The following RAB30 variants were observed in gnomAD, a reference collection of about 807,000 sequenced individuals.
RAB30 encodes RAB30, member RAS oncogene family.
RAB30 carries 9 observed loss-of-function variants against 25.1 expected under a neutral mutation model. That is an observed-to-expected ratio of 0.36 (90% CI 0.22 to 0.63). The LOEUF (loss-of-function observed/expected upper bound fraction) is 0.63. Ranked by LOEUF, RAB30 falls within the 20% of genes least tolerant of loss-of-function variation. The pLI, the probability that RAB30 is intolerant of heterozygous loss-of-function variation, is 0.69. For missense variants in RAB30, 140 were observed against 243.5 expected, an observed-to-expected ratio of 0.58 and a Z score of 2.83; for synonymous variants, 77 against 86.4, an observed-to-expected ratio of 0.89 and a Z score of 0.60.
At chr11:83,015,248 G>C (rs1252120643) in intron 1 of RAB30, among the ~76,000 whole-genome samples, 1 of 152,192 alleles carries the variant, frequency 6.6e-6, no homozygotes, top group Non-Finnish European at 1.5e-5. Context: ...ACTGCAAATA[G>C]TCTAGGTGAG....
chr11:83,038,420 A>T lies in RAB30; in HGVS notation c.-9+33271T>A, dbSNP rs566364173. ...CGCTGTGTCCTCTGGCAAATTATTT[A>T]AATCCTCTGAATCTCAGTTTATTTC... On this transcript the variant is annotated intron_variant, in intron 1 of 4. Transcript: ENST00000527633. Among the ~76,000 whole-genome samples, 8 of 152,298 alleles carry T rather than the reference A, an allele frequency of 5.3e-5. No homozygotes were observed. The East Asian group carries it at 1.2e-3, about 22-fold the overall frequency.
intron 1 of RAB30, among the ~76,000 whole-genome samples, chr11:83,046,875 A>G (rs1858246690): frequency 6.6e-6 from 1 of 152,092 alleles, no homozygotes; most frequent in Non-Finnish European, 1.5e-5. Context: ...AGCCTAATAT[A>G]TTTACTTTCT....
intron 1 of RAB30, among the ~76,000 whole-genome samples, chr11:83,001,690 C>T (rs138756073): frequency 5.3e-5 from 8 of 152,254 alleles, no homozygotes; most frequent in African/African-American, 1.9e-4. Flanking sequence ...CATAAAGTAA[C>T]AGCCCAGGCA....
chr11:83,001,727 C>T (rs1318892543), intron 1 of RAB30, among the ~76,000 whole-genome samples: 1 of 152,138 alleles, frequency 6.6e-6, no homozygotes, highest in Non-Finnish European at 1.5e-5. Flanking sequence ...GATGAGACAG[C>T]GTTTCCCCCT....
At chr11:83,049,409 CAA>C (rs58898867) in intron 1 of RAB30, among the ~76,000 whole-genome samples, 21 of 100,836 alleles carry the variant, frequency 2.1e-4, no homozygotes, top group Admixed American at 2.5e-4. Flanking sequence ...GACTCCATAT[CAA>C]AAAAAAAAAA....
chr11:82,981,365 TAAAAGG>T lies in RAB30; in HGVS notation c.*794_*799del, dbSNP rs1404948287. Reference sequence around the variant, plus strand: ...AGTGGTAGAGATTCAGAGGGGAACATAAAAGGAAAAGTATTCTCTTTTCCCAAAAAT... The same window carrying T: ...AGTGGTAGAGATTCAGAGGGGAACATAAAAGTATTCTCTTTTCCCAAAAAT... On this transcript the variant is annotated 3_prime_UTR_variant, in exon 5 of 5. Coordinates refer to ENST00000527633, the MANE Select transcript of RAB30 (RefSeq NM_001286060.2). 6.6e-6 allele frequency: 1 copy of T among 152,332 alleles called. No individual in the cohort carries two copies. The highest frequency in any genetic ancestry group is 2.4e-5 in the African/African-American group (1 of 41,424). 9.4% of individuals were successfully genotyped at this position (152,332 alleles called of 1,614,324 possible). A position where few individuals can be genotyped will look rare whatever the true frequency, so the allele number is the denominator to read the frequency against.
intron 1 of RAB30, among the ~76,000 whole-genome samples, chr11:83,004,762 A>G (rs1590846788): frequency 6.6e-6 from 1 of 151,960 alleles, no homozygotes; most frequent in East Asian, 1.9e-4. Flanking sequence ...CTCACCCCCT[A>G]CTATCCTTAA....
Position 83,048,040 on chromosome 11 carries a change from T to G in RAB30, c.-9+23651A>C, listed in dbSNP as rs575786560. 2.0e-4 allele frequency among the ~76,000 whole-genome samples: 30 copies of G among 152,270 alleles called. No individual in the cohort carries two copies. In the South Asian group the frequency reaches 6.0e-3, roughly 31 times the overall value. ...AAGAGGATGGCTTGAGGCCAGGAGT[T>G]TGAGATTGGCCTTAGCAACATAGCA... On this transcript the variant is annotated intron_variant, in intron 1 of 4. Transcript: ENST00000527633.
chr11:83,001,974 A>G (rs1857095875), intron 1 of RAB30, among the ~76,000 whole-genome samples: 1 of 152,150 alleles, frequency 6.6e-6, no homozygotes, highest in Non-Finnish European at 1.5e-5. Flanking sequence ...TCTATGATGT[A>G]AGTACTCATA....
intron 1 of RAB30, among the ~76,000 whole-genome samples, chr11:83,003,794 CA>C (rs1857134361): frequency 6.6e-6 from 1 of 151,476 alleles, no homozygotes; most frequent in African/African-American, 2.4e-5. Flanking sequence ...AAAAAAAAAA[CA>C]GCATCATAGA....
At chr11:83,052,968 A>G (rs979638847) in intron 1 of RAB30, among the ~76,000 whole-genome samples, 1 of 152,182 alleles carries the variant, frequency 6.6e-6, no homozygotes, top group Non-Finnish European at 1.5e-5. Flanking sequence ...TAGTAAAAAA[A>G]CTTTCCCTGT....
rs34769119 is a variant in RAB30 at position 82,998,546 on chromosome 11, TA to T, written c.-8-1223del. Among the ~76,000 whole-genome samples the T allele has an allele frequency of 5.2e-3, 558 of 108,054 alleles. 1 individual carries two copies. Among genetic ancestry groups the T allele is most frequent in the African/African-American group, 0.015 (429 of 29,124 alleles). 70.9% of individuals were successfully genotyped at this position (108,054 alleles called of 152,430 possible). On this transcript the variant is annotated intron_variant, in intron 1 of 4. Transcript: ENST00000527633. ...CTGGGTGACAGAGTGAGACTCTGTC[TA>T]AAAAAAAAAAAAAAAAACCAACCTT...
chr11:83,015,512 G>A (rs1023928778), intron 1 of RAB30, among the ~76,000 whole-genome samples: 5 of 152,178 alleles, frequency 3.3e-5, no homozygotes, highest in African/African-American at 9.7e-5. Flanking sequence ...GTCCTCTTTT[G>A]GCCATGTTAG....
At chr11:83,039,571 T>C (rs1388947410) in intron 1 of RAB30, among the ~76,000 whole-genome samples, 1 of 152,008 alleles carries the variant, frequency 6.6e-6, no homozygotes, top group Non-Finnish European at 1.5e-5. Context: ...CCCAGCTACT[T>C]GGGAGGCTGA....
chr11:83,011,479 G>C (rs1026550935), intron 1 of RAB30, among the ~76,000 whole-genome samples: 1 of 152,160 alleles, frequency 6.6e-6, no homozygotes, highest in Non-Finnish European at 1.5e-5. Flanking sequence ...GACCAATCAA[G>C]GTTCCTAACA....
chr11:82,990,489 C>T (rs1486919482), intron 3 of RAB30, among the ~76,000 whole-genome samples: 1 of 152,176 alleles, frequency 6.6e-6, no homozygotes, highest in Non-Finnish European at 1.5e-5. Context: ...GGATGCTTTA[C>T]CACCACAGTG....
chr11:83,060,038 C>T (rs539815700), intron 1 of RAB30: 1 of 152,068 alleles, frequency 6.6e-6, no homozygotes, highest in South Asian at 2.1e-4. Context: ...TTGTGAAACC[C>T]CATCTTTACA....
At chr11:83,018,893 A>T (rs752812243) in intron 1 of RAB30, among the ~76,000 whole-genome samples, 5 of 152,212 alleles carry the variant, frequency 3.3e-5, no homozygotes, top group Admixed American at 1.3e-4. Context: ...ATTCTTCTAC[A>T]TGTCGCTGGC....
At chr11:83,061,416 A>G (rs1045552417) in intron 1 of RAB30, among the ~76,000 whole-genome samples, 3 of 152,194 alleles carry the variant, frequency 2.0e-5, no homozygotes, top group Non-Finnish European at 4.4e-5. Context: ...AAAGTTATAA[A>G]GGACATTGGA....
Sources: gnomAD v4.1 joint callset for allele counts (sites outside exome capture counted in the v4.1 genomes callset) on GRCh38, gnomAD v4.1.1 for gene constraint, MANE v1.5 for transcripts, NCBI Gene and HGNC (gene_info 2026-07-23, HGNC 2026-07-21) for gene names.